WIPF3: variants seen among roughly 807,000 people sequenced by gnomAD.
WIPF3 encodes WAS/WASL interacting protein family member 3, also known as WAS/WASL-interacting protein family member 3.
A neutral mutation model predicts 38.9 loss-of-function variants in WIPF3; 33 were observed. The observed-to-expected ratio is 0.85, with a 90% CI of 0.64 to 1.14. The LOEUF is 1.14. Among genes scored for constraint, WIPF3 ranks in the 50% most tolerant of loss-of-function variants. The probability of loss-of-function intolerance (pLI) is 0.00; values close to 1 mark genes in which losing one functional copy is unlikely to be tolerated. For synonymous variants in WIPF3, 324 were observed against 269.3 expected, an observed-to-expected ratio of 1.20 and a Z score of -1.99; for missense variants, 711 against 652.5, an observed-to-expected ratio of 1.09 and a Z score of -0.98.
chr7:29,900,330 A>T (rs2269983), intron 7 of WIPF3, among the ~76,000 whole-genome samples: 71,284 of 152,106 alleles, frequency 0.47, 18,508 homozygotes, highest in East Asian at 0.78. Context: ...TTTATAATAC[A>T]TGTGCATTGC....
At chr7:29,902,265 C>CTTTTTTTTTTTT (rs141174377) in intron 7 of WIPF3, among the ~76,000 whole-genome samples, 113 of 116,412 alleles carry the variant, frequency 9.7e-4, no homozygotes, top group East Asian at 2.1e-3. Flanking sequence ...TTTTCTTCTT[C>CTTTTTTTTTTTT]TTCTTCTTCT....
chr7:29,845,358 G>T (rs565199639), intron 2 of WIPF3, among the ~76,000 whole-genome samples: 1 of 152,302 alleles, frequency 6.6e-6, no homozygotes, highest in African/African-American at 2.4e-5. Flanking sequence ...TCTTAACCTT[G>T]ATCAGGCTAT....
intron 4 of WIPF3, among the ~76,000 whole-genome samples, chr7:29,881,304 G>A (rs541078473): frequency 5.3e-5 from 8 of 152,186 alleles, no homozygotes; most frequent in Middle Eastern, 3.4e-3. Context: ...GCTAAGCTCC[G>A]TGAAGGCAGG....
At position 29,914,826 on chromosome 7, in the gene WIPF3, C is replaced by A. The variant is rs1583635235; in HGVS notation, c.*310C>A. On this transcript the variant is annotated 3_prime_UTR_variant, in exon 9 of 9. Coordinates refer to ENST00000242140, the MANE Select transcript of WIPF3 (RefSeq NM_001080529.3). ...GACTGTGAATCTGCTTGCAGGCTGG[C>A]CCTTCCTAGATTCTGAACCGTTTGT... 1 of 216,004 alleles carries A rather than the reference C, an allele frequency of 4.6e-6. No homozygotes were observed. Among genetic ancestry groups the A allele is most frequent in the East Asian group, 9.4e-5 (1 of 10,674 alleles). The allele number at this position is 216,004 out of a possible 1,614,324, so 13.4% of individuals were successfully genotyped here.
intron 1 of WIPF3, among the ~76,000 whole-genome samples, chr7:29,828,067 G>A (rs1054832625): frequency 7.9e-5 from 12 of 152,110 alleles, no homozygotes; most frequent in Non-Finnish European, 1.8e-4. Context: ...CCAAAGTGCT[G>A]GGATTACAGG....
intron 3 of WIPF3, among the ~76,000 whole-genome samples, chr7:29,876,203 G>C (rs1397151723): frequency 6.6e-6 from 1 of 152,194 alleles, no homozygotes; most frequent in African/African-American, 2.4e-5. Flanking sequence ...ACTCTGCAAT[G>C]GGACACCTAT....
chr7:29,868,281 G>A lies in WIPF3; in HGVS notation c.91-7549G>A, dbSNP rs532152147. The stretch of plus-strand genomic sequence containing the variant: ...GCTTGGAAGTGGGAAAGAAGAGACA[G>A]GGGATAAACCCAGAGCAGCTGAAAT... On this transcript the variant is annotated intron_variant, in intron 2 of 8. Coordinates refer to ENST00000242140, the MANE Select transcript of WIPF3 (RefSeq NM_001080529.3). Among the ~76,000 whole-genome samples, 83 of 152,106 alleles carry A rather than the reference G, an allele frequency of 5.5e-4. 1 individual carries two copies. The South Asian group carries it at 0.017, about 31-fold the overall frequency.
intron 1 of WIPF3, among the ~76,000 whole-genome samples, chr7:29,820,576 A>G (rs1186669407): frequency 6.6e-6 from 1 of 152,108 alleles, no homozygotes; most frequent in Non-Finnish European, 1.5e-5. Flanking sequence ...AATGATAATA[A>G]TTCTCTGTTG....
At chr7:29,894,334 A>G (rs1328138444) in intron 7 of WIPF3, among the ~76,000 whole-genome samples, 2 of 152,176 alleles carry the variant, frequency 1.3e-5, no homozygotes, top group African/African-American at 2.4e-5. Context: ...GTGCACCAAA[A>G]ATAATCTCCT....
At chr7:29,818,735 A>AT (rs1784494812) in intron 1 of WIPF3, among the ~76,000 whole-genome samples, 4 of 152,026 alleles carry the variant, frequency 2.6e-5, no homozygotes, top group Non-Finnish European at 5.9e-5. Flanking sequence ...CTGTAGGATA[A>AT]TGATAACTAG....
At chr7:29,825,740 A>T (rs897406972) in intron 1 of WIPF3, among the ~76,000 whole-genome samples, 7 of 152,224 alleles carry the variant, frequency 4.6e-5, no homozygotes, top group Admixed American at 4.6e-4. Flanking sequence ...TAAGAGTCCT[A>T]TAAAAGAAAA....
intron 1 of WIPF3, among the ~76,000 whole-genome samples, chr7:29,822,544 T>C (rs1784555670): frequency 1.3e-5 from 2 of 152,308 alleles, no homozygotes; most frequent in South Asian, 4.1e-4. Context: ...TCTGCTGCCA[T>C]CCTACACACC....
Position 29,915,863 on chromosome 7 carries a change from G to C in WIPF3, c.*1347G>C, listed in dbSNP as rs1477994550. ...ATAGCTGCCCTTTAAAGGAAATCAGGCAGGGAGGGGAGGGAAACCAGCGAA... is the reference window on the plus strand; with the variant it reads ...ATAGCTGCCCTTTAAAGGAAATCAGCCAGGGAGGGGAGGGAAACCAGCGAA... On this transcript the variant is annotated 3_prime_UTR_variant, in exon 9 of 9. Transcript: ENST00000242140. The C allele has an allele frequency of 6.6e-6, 1 of 152,516 alleles. No individual in the cohort carries two copies. Among genetic ancestry groups the C allele is most frequent in the Non-Finnish European group, 1.5e-5 (1 of 68,300 alleles). The allele number at this position is 152,516 out of a possible 1,614,324, so 9.4% of individuals were successfully genotyped here.
chr7:29,887,629 C>T (rs1213795385), intron 5 of WIPF3, among the ~76,000 whole-genome samples: 3 of 152,200 alleles, frequency 2.0e-5, no homozygotes, highest in Non-Finnish European at 4.4e-5. Flanking sequence ...CCTCTTCAAG[C>T]CTCCCTCTGG....
intron 1 of WIPF3, among the ~76,000 whole-genome samples, chr7:29,825,043 T>C (rs1784594784): frequency 6.6e-6 from 1 of 152,212 alleles, no homozygotes; most frequent in South Asian, 2.1e-4. Context: ...AGTAGCATTT[T>C]TGGAGTACGT....
At chr7:29,880,409 G>A (rs1037828963) in intron 4 of WIPF3, among the ~76,000 whole-genome samples, 2 of 152,180 alleles carry the variant, frequency 1.3e-5, no homozygotes, top group African/African-American at 4.8e-5. Flanking sequence ...ACCTTCTCAG[G>A]GGCCATGTTC....
intron 2 of WIPF3, among the ~76,000 whole-genome samples, chr7:29,871,994 CA>C (rs1293321384): frequency 6.6e-6 from 1 of 152,192 alleles, no homozygotes; most frequent in Non-Finnish European, 1.5e-5. Context: ...TGTCACTACT[CA>C]AGCACCATGT....
intron 2 of WIPF3, among the ~76,000 whole-genome samples, chr7:29,849,944 C>T (rs1460905281): frequency 6.6e-6 from 1 of 152,122 alleles, no homozygotes; most frequent in Non-Finnish European, 1.5e-5. Flanking sequence ...ATCATCAGAG[C>T]AATCGTTTGT....
chr7:29,879,592 T>A (rs1055787690), intron 4 of WIPF3, among the ~76,000 whole-genome samples: 28 of 152,062 alleles, frequency 1.8e-4, no homozygotes, highest in African/African-American at 6.8e-4. Context: ...AAACAATCAT[T>A]TTTTAGCCTA....
Sources: gnomAD v4.1 joint callset for allele counts (sites outside exome capture counted in the v4.1 genomes callset) on GRCh38, gnomAD v4.1.1 for gene constraint, MANE v1.5 for transcripts, NCBI Gene and HGNC (gene_info 2026-07-23, HGNC 2026-07-21) for gene names.